ARB2A: variants seen among roughly 807,000 people sequenced by gnomAD.
ARB2A encodes cotranscriptional regulator ARB2A.
At chr5:93,862,851 A>G in the ARB2A span, 1 of 152,218 alleles carries the variant, frequency 6.6e-6, no homozygotes. Flanking sequence ...GTGTTTGAGT[A>G]TTATGAAAGA....
chr5:93,865,608 G>C, the ARB2A span: 1 of 985,256 alleles, frequency 1.0e-6, no homozygotes, highest in South Asian at 4.7e-5. Flanking sequence ...AGGACACTTG[G>C]GGCTAACATC....
At chr5:93,623,441 A>G in the ARB2A span, among the ~76,000 whole-genome samples, 1 of 152,184 alleles carries the variant, frequency 6.6e-6, no homozygotes, top group African/African-American at 2.4e-5. Context: ...AACCAATTCA[A>G]TCTATGAATC....
the ARB2A span, among the ~76,000 whole-genome samples, chr5:93,835,866 A>G: frequency 6.6e-6 from 1 of 152,162 alleles, no homozygotes; most frequent in South Asian, 2.1e-4. Flanking sequence ...AAATTTACAA[A>G]ATGAAATTCT....
At chr5:94,001,683 T>C in the ARB2A span, among the ~76,000 whole-genome samples, 1 of 152,078 alleles carries the variant, frequency 6.6e-6, no homozygotes, top group Admixed American at 6.6e-5. Context: ...AATTTCCATC[T>C]TTTTGCTTAC....
chr5:93,739,953 C>T, the ARB2A span: 1 of 149,148 alleles, frequency 6.7e-6, no homozygotes, highest in African/African-American at 2.5e-5. Context: ...GGAACTGAGA[C>T]CCTGACATGA....
the ARB2A span, among the ~76,000 whole-genome samples, chr5:93,978,120 G>A: frequency 1.7e-4 from 26 of 152,150 alleles, no homozygotes; most frequent in Admixed American, 1.3e-3. Context: ...AATAAAAGAT[G>A]TTGGTGAGGC....
At chr5:93,780,497 C>T in the ARB2A span, among the ~76,000 whole-genome samples, 6 of 150,336 alleles carry the variant, frequency 4.0e-5, no homozygotes, top group Non-Finnish European at 8.8e-5. Flanking sequence ...AAGTATACTA[C>T]TCTTTGACCT....
chr5:93,726,004 T>C, the ARB2A span, among the ~76,000 whole-genome samples: 2 of 152,060 alleles, frequency 1.3e-5, no homozygotes, highest in East Asian at 1.9e-4. Flanking sequence ...TGGTAATTGG[T>C]TGATACAGCA....
chr5:93,855,688 T>C, the ARB2A span, among the ~76,000 whole-genome samples: 5 of 152,190 alleles, frequency 3.3e-5, no homozygotes, highest in Admixed American at 6.5e-5. Flanking sequence ...TGCTTCTCTG[T>C]AAAGTATTTT....
the ARB2A span, among the ~76,000 whole-genome samples, chr5:93,658,789 G>T: frequency 3.4e-4 from 51 of 152,064 alleles, no homozygotes; most frequent in African/African-American, 1.2e-3. Context: ...TAAATTTTAT[G>T]CTAAATTAAT....
At chr5:93,794,065 A>AGT in the ARB2A span, among the ~76,000 whole-genome samples, 16 of 152,288 alleles carry the variant, frequency 1.1e-4, no homozygotes, top group African/African-American at 3.8e-4. Context: ...GCAACTGAGT[A>AGT]GTGCATCACA....
chr5:93,835,132 G>A, the ARB2A span, among the ~76,000 whole-genome samples: 8 of 152,150 alleles, frequency 5.3e-5, no homozygotes, highest in South Asian at 2.1e-4. Context: ...ATTTCCTAAT[G>A]TACTCTTGCC....
the ARB2A span, among the ~76,000 whole-genome samples, chr5:93,917,538 T>C: frequency 1.3e-5 from 2 of 152,146 alleles, no homozygotes; most frequent in Non-Finnish European, 2.9e-5. Context: ...ATACTCTGTG[T>C]CATTACTGCA....
At chr5:93,683,150 G>A in the ARB2A span, 16 of 1,434,624 alleles carry the variant, frequency 1.1e-5, no homozygotes, top group East Asian at 6.8e-5. Flanking sequence ...CTTCACTGGC[G>A]CTTTTTCTTC....
chr5:93,752,554 C>T, the ARB2A span, among the ~76,000 whole-genome samples: 2 of 151,932 alleles, frequency 1.3e-5, no homozygotes, highest in African/African-American at 4.8e-5. Flanking sequence ...AACATGGTGG[C>T]TATTTTTAAT....
At chr5:93,643,998 T>G in the ARB2A span, among the ~76,000 whole-genome samples, 2 of 152,246 alleles carry the variant, frequency 1.3e-5, no homozygotes, top group Non-Finnish European at 2.9e-5. Flanking sequence ...ATCCTCATTT[T>G]GCTGATGAAG....
the ARB2A span, among the ~76,000 whole-genome samples, chr5:93,947,579 G>A: frequency 2.0e-4 from 30 of 149,730 alleles, no homozygotes; most frequent in Middle Eastern, 3.4e-3. Flanking sequence ...GGTTAGTTAC[G>A]TATGTATACA....
At chr5:93,847,498 GA>G in the ARB2A span, among the ~76,000 whole-genome samples, 1 of 151,646 alleles carries the variant, frequency 6.6e-6, no homozygotes, top group African/African-American at 2.4e-5. Context: ...TAAAATATTT[GA>G]AAAAATAAGA....
At chr5:94,083,618 C>T in the ARB2A span, among the ~76,000 whole-genome samples, 1 of 151,986 alleles carries the variant, frequency 6.6e-6, no homozygotes, top group East Asian at 1.9e-4. Flanking sequence ...TCTTCAAAAT[C>T]AAGAACCAGA....
Sources: gnomAD v4.1 joint callset for allele counts (sites outside exome capture counted in the v4.1 genomes callset) on GRCh38, gnomAD v4.1.1 for gene constraint, MANE v1.5 for transcripts, NCBI Gene and HGNC (gene_info 2026-07-23, HGNC 2026-07-21) for gene names.